ITGB5: variants seen among roughly 807,000 people sequenced by gnomAD.
ITGB5 encodes the protein integrin beta-5.
ITGB5 carries 38 observed loss-of-function variants against 84.8 expected under a neutral mutation model. The observed-to-expected ratio is 0.45, with a 90% CI of 0.35 to 0.59. ITGB5 has a LOEUF of 0.59. ITGB5 is among the 20% of genes least tolerant of loss of function. The pLI, the probability that ITGB5 is intolerant of heterozygous loss-of-function variation, is 0.01. For missense variants in ITGB5, 905 were observed against 1,034.5 expected (o/e 0.87, Z 1.72); for synonymous variants, 393 against 414.4 (o/e 0.95, Z 0.63).
Position 124,809,135 on chromosome 3 carries a change from A to G in ITGB5, c.1150T>C (p.Leu384=), listed in dbSNP as rs2064457337. Residue 384 remains leucine (L), a synonymous_variant, in exon 9 of 15, where the codon TTG becomes CTG. Transcript: ENST00000296181. ...TCCTCAGGCTGATCCCAGACTGACA[A>G]CTCCACTTTAGACCGGATACTCTGA... ...AYNSIRSKVE[L]SVWDQPEDLN... is the part of the protein sequence containing the mutation. 1 of 1,614,046 alleles carries G rather than the reference A, an allele frequency of 6.2e-7. No individual in the cohort carries two copies. The highest frequency in any genetic ancestry group is 2.2e-5 in the East Asian group (1 of 44,876).
rs1934867831 is a variant in ITGB5, at chr3:124,887,252, G to C, written c.-252C>G. 6.6e-6 allele frequency: 1 copy of C among 151,986 alleles called. No individual in the cohort carries two copies. Among genetic ancestry groups the C allele is most frequent in the Non-Finnish European group, 1.5e-5 (1 of 68,036 alleles). 9.4% of individuals were successfully genotyped at this position (151,986 alleles called of 1,614,324 possible). On this transcript the variant is annotated 5_prime_UTR_variant, in exon 1 of 15. Coordinates refer to ENST00000296181, the MANE Select transcript of ITGB5 (RefSeq NM_002213.5). ...GGACTCCTAGTGTGTCGCCGCTCGG[G>C]ACGGCCCCAGCGGGCTGCTCCGGGT... is the stretch of plus-strand genomic sequence containing the variant.
intron 5 of ITGB5, among the ~76,000 whole-genome samples, chr3:124,837,843 G>C (rs1032286254): frequency 2.6e-5 from 4 of 152,202 alleles, no homozygotes; most frequent in South Asian, 2.1e-4. Context: ...CCATCTCCAG[G>C]GCACAGGGTC....
intron 6 of ITGB5, among the ~76,000 whole-genome samples, 176 bp from the exon 7 acceptor site, chr3:124,820,010 G>A (rs559319199): frequency 1.3e-5 from 2 of 152,292 alleles, no homozygotes; most frequent in East Asian, 3.9e-4. Context: ...CTAAGGAACT[G>A]AGTAGAGGAG....
intron 7 of ITGB5, among the ~76,000 whole-genome samples, chr3:124,818,107 C>A (rs984985547): frequency 2.0e-5 from 3 of 152,172 alleles, no homozygotes; most frequent in Admixed American, 2.0e-4. Context: ...CTTTCAGGAT[C>A]TGCTCAATCT....
At chr3:124,813,710 C>G (rs2064540961) in intron 8 of ITGB5, among the ~76,000 whole-genome samples, 2 of 152,230 alleles carry the variant, frequency 1.3e-5, no homozygotes, top group South Asian at 4.1e-4. Flanking sequence ...TCTGGTGCCA[C>G]TCTCCAGGAA....
intron 6 of ITGB5, among the ~76,000 whole-genome samples, chr3:124,820,134 T>G (rs2064677989): frequency 6.6e-6 from 1 of 152,126 alleles, no homozygotes; most frequent in Non-Finnish European, 1.5e-5. Flanking sequence ...CTCCATCCTT[T>G]CAGCAGGGAG....
chr3:124,788,973 C>G (rs1350737641), intron 10 of ITGB5, among the ~76,000 whole-genome samples: 1 of 152,092 alleles, frequency 6.6e-6, no homozygotes, highest in Non-Finnish European at 1.5e-5. Context: ...GTGGGAGGAT[C>G]CCTTGAGCCC....
rs139331731 is a variant in ITGB5, at chr3:124,841,529, C to T, written c.634G>A (p.Val212Ile). The T allele has an allele frequency of 9.3e-6, 15 of 1,613,562 alleles. No individual in the cohort carries two copies. Among genetic ancestry groups the T allele is most frequent in the Middle Eastern group, 1.6e-4 (1 of 6,082 alleles). ...AGATGGCGGAACCCAAAGGAGGGGA[C>T]GCAATTTGGAAACAACTTGTAACTA... is the stretch of plus-strand genomic sequence containing the variant. ...CIGYKLFPNC[V>I]PSFGFRHLLP... Residue 212 changes from valine to isoleucine, a missense_variant, in exon 5 of 15, where the codon GTC becomes ATC. Val to Ile is a conservative substitution (Grantham distance 29, BLOSUM62 3). Around this residue, in one of 3 missense-constraint regions of ITGB5, gnomAD observed 656 missense variants for 734.7 expected, o/e 0.89. Transcript: ENST00000296181.
intron 8 of ITGB5, among the ~76,000 whole-genome samples, chr3:124,815,648 C>T (rs1380294927): frequency 6.6e-6 from 1 of 152,148 alleles, no homozygotes; most frequent in East Asian, 1.9e-4. Context: ...ATTTGGTTCT[C>T]TTAGTTCAGT....
intron 9 of ITGB5, among the ~76,000 whole-genome samples, chr3:124,807,622 G>A (rs1432604955): frequency 6.6e-6 from 1 of 151,940 alleles, no homozygotes; most frequent in Admixed American, 6.6e-5. Context: ...GGGGGAGCGA[G>A]GCACTGCAGA....
At chr3:124,776,565 T>C (rs1175678981) in intron 10 of ITGB5, among the ~76,000 whole-genome samples, 2 of 152,224 alleles carry the variant, frequency 1.3e-5, no homozygotes, top group Non-Finnish European at 2.9e-5. Flanking sequence ...TCCACCTGTC[T>C]GCCCTTCCAT....
At chr3:124,831,159 C>T (rs1332351937) in intron 5 of ITGB5, among the ~76,000 whole-genome samples, 3 of 152,140 alleles carry the variant, frequency 2.0e-5, no homozygotes, top group Admixed American at 6.5e-5. Context: ...GGTGTCTCTC[C>T]TCTGAGGATG....
chr3:124,830,965 C>G (rs1054653554), intron 5 of ITGB5, among the ~76,000 whole-genome samples: 2 of 152,128 alleles, frequency 1.3e-5, no homozygotes, highest in Non-Finnish European at 2.9e-5. Context: ...GCCTGGGTGA[C>G]AGAGCACAAC....
chr3:124,835,915 G>C (rs1400268935), intron 5 of ITGB5, among the ~76,000 whole-genome samples: 1 of 152,178 alleles, frequency 6.6e-6, no homozygotes, highest in Non-Finnish European at 1.5e-5. Flanking sequence ...CCTCTACTGG[G>C]TCTGAGGCTT....
intron 2 of ITGB5, among the ~76,000 whole-genome samples, chr3:124,860,500 T>C (rs1043658206): frequency 2.0e-5 from 3 of 152,242 alleles, no homozygotes; most frequent in Admixed American, 6.5e-5. Flanking sequence ...GGGAGAAAGC[T>C]GGACATCAGA....
chr3:124,809,511 A>T (rs777284962), intron 8 of ITGB5: 2 of 216,574 alleles, frequency 9.2e-6, no homozygotes, highest in Non-Finnish European at 1.9e-5. Context: ...CAGTTCCTCA[A>T]TCTTGCAGTG....
At chr3:124,778,449 C>A (rs899897569) in intron 10 of ITGB5, among the ~76,000 whole-genome samples, 1 of 152,144 alleles carries the variant, frequency 6.6e-6, no homozygotes, top group African/African-American at 2.4e-5. Flanking sequence ...AGAAGGGGAG[C>A]CAGTGGCCCT....
At chr3:124,900,230 G>T (rs912073772) in intron 1 of ITGB5, among the ~76,000 whole-genome samples, 1 of 152,182 alleles carries the variant, frequency 6.6e-6, no homozygotes, top group African/African-American at 2.4e-5. Flanking sequence ...AATCCTGGCT[G>T]TGTCACTTCC....
upstream of ITGB5, among the ~76,000 whole-genome samples, chr3:124,890,148 A>C (rs1934965113): frequency 6.6e-6 from 1 of 151,812 alleles, no homozygotes. Flanking sequence ...GAGTCCTGGA[A>C]ACTGGGTAAA....
Sources: allele counts gnomAD v4.1 joint callset (sites outside exome capture counted in the v4.1 genomes callset), GRCh38; gene constraint gnomAD v4.1.1; regional missense constraint gnomAD v4.1.1; transcripts MANE v1.5; gene names NCBI Gene and HGNC (gene_info 2026-07-23, HGNC 2026-07-21).